Variants in UBXN2A observed in about 807,000 individuals in gnomAD.
UBXN2A encodes the protein UBX domain-containing protein 2A.
Under a neutral mutation model 28.4 loss-of-function variants are expected in UBXN2A, and 28 were observed. The ratio of observed to expected loss-of-function variants is 0.99; its 90% CI spans 0.73 to 1.35. UBXN2A has a LOEUF of 1.35. Ranked by LOEUF, UBXN2A falls within the 40% of genes most tolerant of loss-of-function variation. UBXN2A has a pLI of 0.00. For synonymous variants in UBXN2A, 97 were observed against 103.6 expected (o/e 0.94, Z 0.39); for missense variants, 253 against 297.9 (o/e 0.85, Z 1.11).
At chr2:23,961,539 CTTTTT>C (rs71395167) in intron 2 of UBXN2A, among the ~76,000 whole-genome samples, 5 of 51,272 alleles carry the variant, frequency 9.8e-5, no homozygotes, top group Non-Finnish European at 1.0e-4. Context: ...AGAAAACTGC[CTTTTT>C]TTTTTTTTTT....
At chr2:23,929,227 A>G (rs1468383612) in intron 1 of UBXN2A, among the ~76,000 whole-genome samples, 1 of 151,858 alleles carries the variant, frequency 6.6e-6, no homozygotes, top group Admixed American at 6.6e-5. Flanking sequence ...GGCTCAAGCA[A>G]TCCCCCTGCC....
chr2:23,940,341 G>A (rs1705681393), upstream of UBXN2A: 1 of 151,936 alleles, frequency 6.6e-6, no homozygotes, highest in East Asian at 1.9e-4. Context: ...GGGAAGGGGA[G>A]GCGGCCATTA....
At chr2:23,964,391 G>A (rs1044486443) in intron 2 of UBXN2A, among the ~76,000 whole-genome samples, 1 of 152,118 alleles carries the variant, frequency 6.6e-6, no homozygotes, top group Non-Finnish European at 1.5e-5. Flanking sequence ...TGTATTTTTA[G>A]TAGGGACAGG....
intron 2 of UBXN2A, among the ~76,000 whole-genome samples, chr2:23,963,450 TGAAA>T (rs1202315674): frequency 2.9e-5 from 4 of 138,034 alleles, no homozygotes; most frequent in Non-Finnish European, 6.1e-5. Flanking sequence ...CCAGCCTGAG[TGAAA>T]GAGTGAGACA....
At chr2:23,965,412 T>G (rs1370443096) in intron 2 of UBXN2A, among the ~76,000 whole-genome samples, 1 of 152,088 alleles carries the variant, frequency 6.6e-6, no homozygotes, top group Non-Finnish European at 1.5e-5. Flanking sequence ...TTGGTGGGGG[T>G]TTTATTATGA....
intron 1 of UBXN2A, among the ~76,000 whole-genome samples, chr2:23,945,453 A>G (rs560922329): frequency 6.6e-6 from 1 of 152,278 alleles, no homozygotes; most frequent in East Asian, 1.9e-4. Flanking sequence ...TCTTTTAAGT[A>G]TTTGGTTCTG....
upstream of UBXN2A, among the ~76,000 whole-genome samples, chr2:23,937,950 T>G (rs1351033958): frequency 2.0e-5 from 3 of 152,228 alleles, no homozygotes; most frequent in African/African-American, 7.2e-5. Flanking sequence ...CTGTATTGAA[T>G]ACTGTAGACA....
chr2:23,933,542 C>G (rs1705439049), intron 1 of UBXN2A, among the ~76,000 whole-genome samples: 1 of 151,976 alleles, frequency 6.6e-6, no homozygotes, highest in Admixed American at 6.6e-5. Context: ...ATAAAGTATT[C>G]TTAAACATGA....
chr2:23,936,841 G>C (rs1705544182), upstream of UBXN2A, among the ~76,000 whole-genome samples: 2 of 151,978 alleles, frequency 1.3e-5, no homozygotes, highest in South Asian at 4.2e-4. Flanking sequence ...CTCCCGAGTA[G>C]CTGGGATTAC....
Position 23,999,832 on chromosome 2 carries a change from A to G in UBXN2A, c.745A>G (p.Lys249Glu). Residue 249 changes from lysine to glutamate, a missense_variant, in exon 7 of 7, where the codon AAA (lysine) becomes GAA (glutamate). Lys to Glu is a moderately conservative substitution (Grantham distance 56). Transcript: ENST00000309033. The stretch of plus-strand genomic sequence containing the variant: ...TGCTGTCATCATTCAGAGACTCCAA[A>G]AAACTGCATCTTTTAGAGAACTTTC... ...QNAVIIQRLQ[K>E]TASFRELSEH 2 of 1,612,784 alleles carry G rather than the reference A, an allele frequency of 1.2e-6. No individual in the cohort carries two copies. Among genetic ancestry groups the G allele is most frequent in the Middle Eastern group, 3.3e-4 (2 of 6,060 alleles).
chr2:23,962,815 A>G (rs1706992190), intron 2 of UBXN2A, among the ~76,000 whole-genome samples: 1 of 152,016 alleles, frequency 6.6e-6, no homozygotes, highest in Admixed American at 6.6e-5. Context: ...CATGTTGGTC[A>G]GGCAGGCTGG....
Position 23,944,032 on chromosome 2 carries a change from G to A in UBXN2A, c.-15+3384G>A, listed in dbSNP as rs1183545751. On this transcript the variant is annotated intron_variant, in intron 1 of 6. Coordinates refer to ENST00000309033, the MANE Select transcript of UBXN2A (RefSeq NM_181713.4). ...CCCCACGTCACTATCTAGAGTTGGT[G>A]TCTTCCTATGTCGATGTCCATCTGC... 4 of 557,174 alleles carry A rather than the reference G, an allele frequency of 7.2e-6. No homozygotes were observed. The East Asian group carries it at 1.4e-4, about 20-fold the overall frequency. 34.5% of individuals were successfully genotyped at this position (557,174 alleles called of 1,614,324 possible).
intron 6 of UBXN2A, among the ~76,000 whole-genome samples, chr2:23,987,030 C>CTG (rs1033183521): frequency 8.6e-4 from 131 of 151,764 alleles, no homozygotes; most frequent in African/African-American, 3.1e-3. Context: ...GAGGTTGAGG[C>CTG]TGTGATGAGC....
intron 6 of UBXN2A, among the ~76,000 whole-genome samples, chr2:23,995,101 A>T (rs745545046): frequency 6.6e-6 from 1 of 152,190 alleles, no homozygotes; most frequent in African/African-American, 2.4e-5. Context: ...GAGTTAGCCA[A>T]TAACTTAAGA....
In UBXN2A at chr2:24,001,289, T is replaced by A. The variant is rs1708720405; in HGVS notation, c.*1422T>A. 6.6e-6 allele frequency: 1 copy of A among 152,152 alleles called. No individual in the cohort carries two copies. Among genetic ancestry groups the A allele is most frequent in the Non-Finnish European group, 1.5e-5 (1 of 68,020 alleles). 9.4% of individuals were successfully genotyped at this position (152,152 alleles called of 1,614,324 possible). A position where few individuals can be genotyped will look rare whatever the true frequency, so the allele number is the denominator to read the frequency against. On this transcript the variant is annotated 3_prime_UTR_variant, in exon 7 of 7. Coordinates refer to ENST00000309033, the MANE Select transcript of UBXN2A (RefSeq NM_181713.4). Reference sequence around the variant, plus strand: ...ACAAGTGTGAACCACCGTGCCCAGCTGGTTTTCTGTTTCATACATCAGAGT... The same window carrying A: ...ACAAGTGTGAACCACCGTGCCCAGCAGGTTTTCTGTTTCATACATCAGAGT...
chr2:23,948,711 A>G (rs1192527309), intron 1 of UBXN2A, among the ~76,000 whole-genome samples: 2 of 152,184 alleles, frequency 1.3e-5, no homozygotes, highest in Non-Finnish European at 1.5e-5. Flanking sequence ...GCTAAATAAC[A>G]TATACAAGGT....
At chr2:23,936,957 TGCCTAA>T (rs1705548698), upstream of UBXN2A, among the ~76,000 whole-genome samples, 1 of 152,036 alleles carries the variant, frequency 6.6e-6, no homozygotes, top group Non-Finnish European at 1.5e-5. Context: ...GTGATTCACC[TGCCTAA>T]GCCTCCCAAA....
At chr2:23,978,052 T>A (rs911155802) in intron 4 of UBXN2A, among the ~76,000 whole-genome samples, 9 of 152,082 alleles carry the variant, frequency 5.9e-5, no homozygotes, top group African/African-American at 2.2e-4. Flanking sequence ...AGTCTTGAAC[T>A]CCTGACCTCA....
chr2:23,977,327 C>A (rs758868608), intron 4 of UBXN2A: 820 of 20,186 alleles, frequency 0.041, 1 homozygote, highest in Non-Finnish European at 0.058. Context: ...GCCCTGTCTC[C>A]AAAAAAAAAA....
Sources: allele counts gnomAD v4.1 joint callset (sites outside exome capture counted in the v4.1 genomes callset), GRCh38; gene constraint gnomAD v4.1.1; transcripts MANE v1.5; gene names NCBI Gene and HGNC (gene_info 2026-07-23, HGNC 2026-07-21).